Variants in ADGRA3 observed in about 807,000 individuals in gnomAD.
ADGRA3 encodes the protein adhesion G protein-coupled receptor A3.
ADGRA3 carries 56 observed loss-of-function variants against 119.8 expected under a neutral mutation model. That is an observed-to-expected ratio of 0.47 (90% CI 0.38 to 0.58). ADGRA3 has a LOEUF of 0.58. Ranked by LOEUF, ADGRA3 falls within the 20% of genes least tolerant of loss-of-function variation. The pLI, the probability that ADGRA3 is intolerant of heterozygous loss-of-function variation, is 0.00. For synonymous variants in ADGRA3, 607 were observed against 623.8 expected (o/e 0.97, Z 0.40); for missense variants, 1,516 against 1,649.0 (o/e 0.92, Z 1.40).
chr4:22,402,604 CT>C, intron 15 of ADGRA3, 70 bp downstream of exon 15: 3 of 1,501,560 alleles, frequency 2.0e-6, no homozygotes, highest in Non-Finnish European at 2.7e-6. Flanking sequence ...CAATTTTATC[CT>C]AATTAAATGT....
At chr4:22,393,078 G>C (rs1439256243) in intron 16 of ADGRA3, 1 of 154,034 alleles carries the variant, frequency 6.5e-6, no homozygotes, top group Admixed American at 6.5e-5. Context: ...CCAGGATAGA[G>C]TGCTGCAGTG....
intron 14 of ADGRA3, among the ~76,000 whole-genome samples, chr4:22,411,286 C>G (rs1715187697): frequency 6.6e-6 from 1 of 152,168 alleles, no homozygotes; most frequent in African/African-American, 2.4e-5. Flanking sequence ...AGAGAAAATG[C>G]CACATACTTT....
intron 1 of ADGRA3, among the ~76,000 whole-genome samples, chr4:22,485,350 C>T (rs1197865637): frequency 2.6e-5 from 4 of 152,158 alleles, no homozygotes; most frequent in Admixed American, 6.5e-5. Flanking sequence ...CCACCATACC[C>T]GGCCCACACC....
At chr4:22,447,039 G>T (rs1215632724) in intron 5 of ADGRA3, among the ~76,000 whole-genome samples, 1 of 124 alleles carries the variant, frequency 8.1e-3, no homozygotes, top group Non-Finnish European at 0.045. Context: ...ATTTTAAGTG[G>T]GGGGGGGGGT....
At chr4:22,483,569 CAT>C (rs1366555171) in intron 1 of ADGRA3, among the ~76,000 whole-genome samples, 2 of 152,176 alleles carry the variant, frequency 1.3e-5, no homozygotes, top group Non-Finnish European at 2.9e-5. Flanking sequence ...ACTTTTTCTA[CAT>C]GTTAGACCTT....
chr4:22,405,259 C>T (rs1714853672), intron 14 of ADGRA3, among the ~76,000 whole-genome samples: 2 of 152,048 alleles, frequency 1.3e-5, no homozygotes, highest in South Asian at 4.1e-4. Flanking sequence ...TTATTTTTGG[C>T]CAGGCACAGT....
chr4:22,493,084 T>A (rs1270509377), intron 1 of ADGRA3, among the ~76,000 whole-genome samples: 1 of 152,142 alleles, frequency 6.6e-6, no homozygotes, highest in African/African-American at 2.4e-5. Flanking sequence ...CCCATCCCTG[T>A]CTCTCAAGTA....
chr4:22,468,762 CT>C (rs1717752933), intron 2 of ADGRA3, among the ~76,000 whole-genome samples: 1 of 146,128 alleles, frequency 6.8e-6, no homozygotes, highest in South Asian at 2.2e-4. Context: ...GAGTAAGACT[CT>C]GTCTCAAAAA....
intron 2 of ADGRA3, chr4:22,472,914 G>A (rs1019257366): frequency 3.3e-5 from 5 of 151,998 alleles, no homozygotes; most frequent in African/African-American, 9.7e-5. Flanking sequence ...ATGTGATCCC[G>A]GTACAGCGTT....
intron 1 of ADGRA3, among the ~76,000 whole-genome samples, chr4:22,493,052 A>G (rs1034366425): frequency 1.3e-5 from 2 of 152,134 alleles, no homozygotes; most frequent in Non-Finnish European, 2.9e-5. Context: ...GCAACCTCCA[A>G]TCCCTGTGAT....
chr4:22,493,372 T>C (rs1718698309), intron 1 of ADGRA3, among the ~76,000 whole-genome samples: 1 of 152,246 alleles, frequency 6.6e-6, no homozygotes, highest in African/African-American at 2.4e-5. Context: ...CCTTCATAGA[T>C]GGTTTATCCA....
intron 2 of ADGRA3, among the ~76,000 whole-genome samples, chr4:22,466,184 T>TC (rs1307248319): frequency 6.6e-6 from 1 of 152,156 alleles, no homozygotes; most frequent in African/African-American, 2.4e-5. Context: ...TGCCCACCTT[T>TC]CCTTCACCAA....
intron 1 of ADGRA3, among the ~76,000 whole-genome samples, chr4:22,479,453 ACT>A (rs1353355133): frequency 6.7e-6 from 1 of 148,178 alleles, no homozygotes; most frequent in Non-Finnish European, 1.5e-5. Context: ...ACAGAGCGAG[ACT>A]CTGTCTCAAA....
chr4:22,436,781 G>C, intron 8 of ADGRA3, 140 bp from the exon 9 acceptor site: 1 of 674,012 alleles, frequency 1.5e-6, no homozygotes, highest in Non-Finnish European at 2.5e-6. Flanking sequence ...ACTGGGCTGG[G>C]AGAAACCTTT....
At chr4:22,443,890 G>A (rs753232085) in intron 6 of ADGRA3, among the ~76,000 whole-genome samples, 1 of 151,834 alleles carries the variant, frequency 6.6e-6, no homozygotes, top group African/African-American at 2.4e-5. Flanking sequence ...TTTTACTTGT[G>A]ATACAACAAT....
chr4:22,439,386 G>C (rs1018315618), intron 7 of ADGRA3, among the ~76,000 whole-genome samples: 1 of 152,162 alleles, frequency 6.6e-6, no homozygotes, highest in Non-Finnish European at 1.5e-5. Flanking sequence ...TAATTAAGGA[G>C]CAAATGTCAG....
At chr4:22,488,249 A>C (rs1380193608) in intron 1 of ADGRA3, among the ~76,000 whole-genome samples, 1 of 152,070 alleles carries the variant, frequency 6.6e-6, no homozygotes, top group Non-Finnish European at 1.5e-5. Context: ...GAAACTGTAC[A>C]CCTAAAATAC....
rs74521566 is a variant in ADGRA3, at chr4:22,487,539, C to T, written c.258-13696G>A. On this transcript the variant is annotated intron_variant, in intron 1 of 18. Coordinates refer to ENST00000334304, the MANE Select transcript of ADGRA3 (RefSeq NM_145290.4). The stretch of plus-strand genomic sequence containing the variant: ...TTCCTAACAGGCCATGGACTAGTAC[C>T]GGTCCAAGGTCTGGGGGTTGGTGAC... 6.0e-3 allele frequency among the ~76,000 whole-genome samples: 909 copies of T among 152,184 alleles called. 6 individuals carry two copies. Among genetic ancestry groups the T allele is most frequent in the African/African-American group, 0.021 (879 of 41,538 alleles).
Position 22,413,583 on chromosome 4 carries a change from CAT to C in ADGRA3, c.2023+16_2023+17del, listed in dbSNP as rs1438109893. 8.7e-6 allele frequency: 14 copies of C among 1,602,854 alleles called. No homozygotes were observed. The highest frequency in any genetic ancestry group is 1.2e-5 in the Non-Finnish European group (14 of 1,170,060). ...TTATTGTCCACTGACTACAGGATAA[CAT>C]ATGCCACATACAAACCTATTTTGGT... On this transcript the variant is annotated intron_variant, in intron 13 of 18. Transcript: ENST00000334304.
Sources: gnomAD v4.1 joint callset for allele counts (sites outside exome capture counted in the v4.1 genomes callset) on GRCh38, gnomAD v4.1.1 for gene constraint, MANE v1.5 for transcripts, NCBI Gene and HGNC (gene_info 2026-07-23, HGNC 2026-07-21) for gene names.